ASH1L: variants seen among roughly 807,000 people sequenced by gnomAD.
ASH1L encodes histone-lysine N-methyltransferase ASH1L.
In ASH1L, 23 loss-of-function variants were observed where a neutral mutation model predicts 269.0. That is an observed-to-expected ratio of 0.09 (90% CI 0.06 to 0.12). The LOEUF (loss-of-function observed/expected upper bound fraction) is 0.12. Ranked by LOEUF, ASH1L falls within the 10% of genes least tolerant of loss-of-function variation. The pLI, the probability that ASH1L is intolerant of heterozygous loss-of-function variation, is 1.00. For missense variants in ASH1L, 2,912 were observed against 3,567.8 expected (o/e 0.82, Z 4.68); for synonymous variants, 1,187 against 1,253.5 (o/e 0.95, Z 1.12).
intron 19 of ASH1L, among the ~76,000 whole-genome samples, chr1:155,348,884 T>TAA (rs66853194): frequency 3.5e-4 from 32 of 91,868 alleles, no homozygotes; most frequent in African/African-American, 8.0e-4. Flanking sequence ...CTGTCTCATT[T>TAA]AAAAAAAAAA....
intron 2 of ASH1L, among the ~76,000 whole-genome samples, chr1:155,504,680 C>T (rs944994219): frequency 9.9e-5 from 15 of 151,866 alleles, no homozygotes; most frequent in Admixed American, 1.3e-4. Flanking sequence ...ATGGTGAAAC[C>T]GCATCTCTAC....
chr1:155,535,665 G>C (rs1021617029), intron 1 of ASH1L, among the ~76,000 whole-genome samples: 3 of 148,668 alleles, frequency 2.0e-5, no homozygotes, highest in African/African-American at 7.4e-5. Context: ...AAAAAAAAAA[G>C]TATAAATTAG....
chr1:155,502,547 C>T (rs34228238), intron 2 of ASH1L, among the ~76,000 whole-genome samples: 15,683 of 152,110 alleles, frequency 0.1, 1,067 homozygotes, highest in Non-Finnish European at 0.16. Flanking sequence ...TCATAAAAAG[C>T]ACAAACTTAA....
intron 6 of ASH1L, among the ~76,000 whole-genome samples, chr1:155,413,671 T>A (rs1659983082): frequency 6.6e-6 from 1 of 152,072 alleles, no homozygotes; most frequent in Admixed American, 6.6e-5. Flanking sequence ...CTCTTTTCTG[T>A]CTGTAACAAA....
intron 2 of ASH1L, among the ~76,000 whole-genome samples, chr1:155,512,264 G>A (rs1005951452): frequency 1.3e-5 from 2 of 151,686 alleles, no homozygotes; most frequent in Non-Finnish European, 2.9e-5. Context: ...GATCCGCCAG[G>A]CGCAGCACAG....
chr1:155,415,648 G>A, intron 6 of ASH1L, 96 bp downstream of exon 6: 1 of 1,400,484 alleles, frequency 7.1e-7, no homozygotes, highest in Non-Finnish European at 9.9e-7. Flanking sequence ...TCACGCTTAT[G>A]AAACACAAAA....
chr1:155,379,278 C>CT (rs1169824113), intron 8 of ASH1L, among the ~76,000 whole-genome samples: 2 of 152,082 alleles, frequency 1.3e-5, no homozygotes, highest in African/African-American at 4.8e-5. Context: ...GTTAAAAACT[C>CT]TGAGACAAAT....
chr1:155,381,187 T>C (rs543728780), intron 7 of ASH1L, among the ~76,000 whole-genome samples: 5 of 152,326 alleles, frequency 3.3e-5, no homozygotes, highest in African/African-American at 1.2e-4. Flanking sequence ...CTTGATAAAA[T>C]GTCTTTGTTG....
chr1:155,505,987 C>A (rs902445588), intron 2 of ASH1L, among the ~76,000 whole-genome samples: 2 of 152,196 alleles, frequency 1.3e-5, no homozygotes, highest in Admixed American at 6.5e-5. Context: ...ATCCCTCCCC[C>A]CTGCCCCCAC....
At chr1:155,405,114 A>T (rs1659163133) in intron 6 of ASH1L, among the ~76,000 whole-genome samples, 1 of 151,376 alleles carries the variant, frequency 6.6e-6, no homozygotes, top group African/African-American at 2.4e-5. Context: ...GCAGTAAATT[A>T]AAAAAAAATT....
chr1:155,352,247 G>C (rs1050525847), intron 17 of ASH1L, among the ~76,000 whole-genome samples: 1 of 143,026 alleles, frequency 7.0e-6, no homozygotes, highest in African/African-American at 2.6e-5. Flanking sequence ...AGGATCGCTT[G>C]AGGCCAGGAG....
At chr1:155,422,149 CTTTT>C (rs1221860111) in intron 5 of ASH1L, among the ~76,000 whole-genome samples, 1 of 151,878 alleles carries the variant, frequency 6.6e-6, no homozygotes, top group Non-Finnish European at 1.5e-5. Context: ...CACTTTTATT[CTTTT>C]TTGAGTCAGA....
chr1:155,359,177 G>C (rs916179260), intron 13 of ASH1L, among the ~76,000 whole-genome samples: 8 of 152,156 alleles, frequency 5.3e-5, no homozygotes, highest in Non-Finnish European at 7.3e-5. Context: ...GCCCAGGTTG[G>C]CCTTGAACTC....
chr1:155,543,082 T>A (rs1307106132), intron 1 of ASH1L, among the ~76,000 whole-genome samples: 1 of 152,172 alleles, frequency 6.6e-6, no homozygotes, highest in Non-Finnish European at 1.5e-5. Flanking sequence ...ATGAATTATA[T>A]CTCAGTAAAG....
At chr1:155,545,827 C>T (rs907758888) in intron 1 of ASH1L, among the ~76,000 whole-genome samples, 4 of 151,912 alleles carry the variant, frequency 2.6e-5, no homozygotes, top group African/African-American at 7.3e-5. Context: ...TTGAGACCAG[C>T]CTGGCCAACG....
chr1:155,478,927 G>T lies in ASH1L; in HGVS notation c.3943C>A (p.Leu1315Ile), dbSNP rs1357770890. 1.2e-6 allele frequency: 2 copies of T among 1,613,888 alleles called. No homozygotes were observed. The highest frequency in any genetic ancestry group is 1.7e-5 in the Admixed American group (1 of 59,994). ...TTGATTCGAAAGATAGTTGGCAGAA[G>T]ATCTCGGGGGATAAAATGATGACTT... ...HRSHHFIPRD[L>I]LPTIFRINFN... is the part of the protein sequence containing the mutation. Residue 1315 changes from leucine to isoleucine, a missense_variant, in exon 3 of 28, where the codon CTT (leucine) becomes ATT (isoleucine). Physicochemically the swap from Leu to Ile is conservative, Grantham distance 5 (BLOSUM62 2). Around this residue, in one of 13 missense-constraint regions of ASH1L, gnomAD observed 789 missense variants for 897.6 expected, o/e 0.88. Transcript: ENST00000392403. The surrounding 1 kb of genome is among the most constrained non-coding windows in gnomAD (Gnocchi z 4.6).
chr1:155,554,720 A>C (rs1671464895), intron 1 of ASH1L, among the ~76,000 whole-genome samples: 1 of 152,232 alleles, frequency 6.6e-6, no homozygotes, highest in Non-Finnish European at 1.5e-5. Context: ...AAAACAAAAA[A>C]AAACACTGTA....
At chr1:155,467,142 G>T (rs1664754330) in intron 3 of ASH1L, among the ~76,000 whole-genome samples, 1 of 152,054 alleles carries the variant, frequency 6.6e-6, no homozygotes, top group South Asian at 2.1e-4. Flanking sequence ...CTACTGCTCT[G>T]CCAATTTTAG....
At chr1:155,500,824 C>T (rs764808321) in intron 2 of ASH1L, among the ~76,000 whole-genome samples, 6 of 152,102 alleles carry the variant, frequency 3.9e-5, no homozygotes, top group South Asian at 4.1e-4. Context: ...CAAAATTAGC[C>T]GAACATGGTG....
Sources: gnomAD v4.1 joint callset for allele counts (sites outside exome capture counted in the v4.1 genomes callset) on GRCh38, gnomAD v4.1.1 for gene constraint, gnomAD v4.1.1 regional missense constraint, Gnocchi (gnomAD v3.1) non-coding constraint, MANE v1.5 for transcripts, NCBI Gene and HGNC (gene_info 2026-07-23, HGNC 2026-07-21) for gene names.